Variants in MMS22L observed in about 807,000 individuals in gnomAD.
MMS22L encodes the protein MMS22 like, DNA repair protein, also known as protein MMS22-like.
Under a neutral mutation model 159.1 loss-of-function variants are expected in MMS22L, and 74 were observed. The ratio of observed to expected loss-of-function variants is 0.47; its 90% CI spans 0.39 to 0.56. The LOEUF (loss-of-function observed/expected upper bound fraction) is 0.56, where lower values mean the gene tolerates loss of function less well. Among genes scored for constraint, MMS22L ranks in the 20% least tolerant of loss-of-function variants. MMS22L has a pLI of 0.00. For synonymous variants in MMS22L, 517 were observed against 506.9 expected (o/e 1.02, Z -0.27); for missense variants, 1,351 against 1,422.1 (o/e 0.95, Z 0.80).
intron 12 of MMS22L, among the ~76,000 whole-genome samples, chr6:97,232,353 T>A (rs1810962849): frequency 6.6e-6 from 1 of 152,160 alleles, no homozygotes; most frequent in African/African-American, 2.4e-5. Context: ...AAATGGTGAC[T>A]TCTAATTCTA....
At chr6:97,148,134 G>A (rs1026818934) in intron 24 of MMS22L, among the ~76,000 whole-genome samples, 1 of 152,152 alleles carries the variant, frequency 6.6e-6, no homozygotes, top group Non-Finnish European at 1.5e-5. Flanking sequence ...TGTAGCCATT[G>A]TAATGTCTTA....
At chr6:97,228,323 A>C (rs1810467814) in intron 14 of MMS22L, among the ~76,000 whole-genome samples, 1 of 152,214 alleles carries the variant, frequency 6.6e-6, no homozygotes, top group Non-Finnish European at 1.5e-5. Context: ...TTGTGTTTGC[A>C]TATAAGCTTT....
chr6:97,221,907 T>G (rs1809700201), intron 14 of MMS22L, among the ~76,000 whole-genome samples: 1 of 152,098 alleles, frequency 6.6e-6, no homozygotes. Flanking sequence ...TCAAATTTGT[T>G]TGTTGTAAAC....
chr6:97,148,292 C>T (rs1801009616), intron 24 of MMS22L, among the ~76,000 whole-genome samples: 2 of 152,162 alleles, frequency 1.3e-5, no homozygotes, highest in South Asian at 4.1e-4. Context: ...TATGTATTTA[C>T]TATACTTTAC....
At chr6:97,269,159 G>A (rs189478372) in intron 7 of MMS22L, among the ~76,000 whole-genome samples, 4 of 151,980 alleles carry the variant, frequency 2.6e-5, no homozygotes, top group African/African-American at 9.6e-5. Flanking sequence ...ACAATAAAAC[G>A]TAAAGATGTT....
chr6:97,202,567 G>T (rs1367195354), intron 14 of MMS22L, among the ~76,000 whole-genome samples: 4 of 151,980 alleles, frequency 2.6e-5, no homozygotes, highest in Non-Finnish European at 5.9e-5. Context: ...TTCTAATTTG[G>T]TTTTTTAGAT....
At chr6:97,236,080 C>G (rs1003974836) in intron 11 of MMS22L, among the ~76,000 whole-genome samples, 3 of 152,074 alleles carry the variant, frequency 2.0e-5, no homozygotes, top group Non-Finnish European at 4.4e-5. Context: ...GTAATCCCAG[C>G]ACTTTGGGAG....
At position 97,229,476 on chromosome 6, in the gene MMS22L, T is replaced by C. The variant is rs1254673098; in HGVS notation, c.1530-73A>G. On this transcript the variant is annotated intron_variant, in intron 13 of 24. Coordinates refer to ENST00000683635, the MANE Select transcript of MMS22L (RefSeq NM_001350599.2). The stretch of plus-strand genomic sequence containing the variant: ...AATCTGTATCTCTTAAAAGAAAATT[T>C]GTTTCAATACTCATAACAATCTCAT... 5.5e-6 allele frequency: 6 copies of C among 1,083,028 alleles called. No homozygotes were observed. In the East Asian group the frequency reaches 1.6e-4, roughly 28 times the overall value. The allele number at this position is 1,083,028 out of a possible 1,614,324, so 67.1% of individuals were successfully genotyped here.
intron 9 of MMS22L, chr6:97,261,566 TTA>T (rs1814486240): frequency 6.6e-6 from 1 of 152,190 alleles, no homozygotes; most frequent in African/African-American, 2.4e-5. Context: ...TTTCTTTATG[TTA>T]TGGGTAAGGA....
At chr6:97,166,385 T>C (rs1438014426) in intron 20 of MMS22L, among the ~76,000 whole-genome samples, 1 of 152,148 alleles carries the variant, frequency 6.6e-6, no homozygotes, top group Non-Finnish European at 1.5e-5. Flanking sequence ...TTTAAAATGT[T>C]TGAAGTCTCC....
intron 22 of MMS22L, among the ~76,000 whole-genome samples, chr6:97,156,239 A>G (rs1313079253): frequency 6.6e-6 from 1 of 152,112 alleles, no homozygotes; most frequent in African/African-American, 2.4e-5. Flanking sequence ...CCTTTGCCAG[A>G]TGGATTGCAA....
intron 15 of MMS22L, among the ~76,000 whole-genome samples, 165 bp downstream of exon 15, chr6:97,186,332 C>T (rs1805223004): frequency 6.6e-6 from 1 of 151,958 alleles, no homozygotes; most frequent in South Asian, 2.1e-4. Flanking sequence ...TAATTTTTAG[C>T]AATAAATAAG....
At chr6:97,238,651 TC>T (rs1233133592) in intron 11 of MMS22L, among the ~76,000 whole-genome samples, 1 of 150,286 alleles carries the variant, frequency 6.7e-6, no homozygotes, top group Non-Finnish European at 1.5e-5. Flanking sequence ...TAATGAATAT[TC>T]CAATAAGTCC....
chr6:97,170,761 C>T (rs1333541148), intron 19 of MMS22L, among the ~76,000 whole-genome samples: 1 of 152,132 alleles, frequency 6.6e-6, no homozygotes, highest in African/African-American at 2.4e-5. Context: ...AATCCCAGCA[C>T]TTTGGGAGGC....
intron 19 of MMS22L, among the ~76,000 whole-genome samples, chr6:97,170,468 T>G (rs1803420518): frequency 6.6e-6 from 1 of 151,986 alleles, no homozygotes; most frequent in African/African-American, 2.4e-5. Flanking sequence ...CTAAGTTTTT[T>G]TTTTTCTTTT....
At chr6:97,167,977 TAC>T (rs1803142351) in intron 20 of MMS22L, 92 bp downstream of exon 20, 7 of 1,032,840 alleles carry the variant, frequency 6.8e-6, no homozygotes, top group Middle Eastern at 2.2e-4. Flanking sequence ...GATTATAATG[TAC>T]AGTTTTTAAA....
intron 14 of MMS22L, among the ~76,000 whole-genome samples, chr6:97,205,966 T>C (rs1269935315): frequency 1.3e-5 from 2 of 152,234 alleles, no homozygotes; most frequent in Non-Finnish European, 2.9e-5. Context: ...TGTGTAATTA[T>C]ACTTTAATTG....
intron 2 of MMS22L, among the ~76,000 whole-genome samples, 199 bp from the exon 3 acceptor site, chr6:97,281,561 G>A (rs1816758336): frequency 6.6e-6 from 1 of 152,120 alleles, no homozygotes; most frequent in Non-Finnish European, 1.5e-5. Context: ...TAAAATGTAC[G>A]ACTAAAGTGT....
At chr6:97,192,904 T>G (rs1486675599) in intron 14 of MMS22L, among the ~76,000 whole-genome samples, 3 of 152,192 alleles carry the variant, frequency 2.0e-5, no homozygotes, top group Non-Finnish European at 4.4e-5. Context: ...GTAATTTGCT[T>G]GGGTCATGCT....
Sources: gnomAD v4.1 joint callset for allele counts (sites outside exome capture counted in the v4.1 genomes callset) on GRCh38, gnomAD v4.1.1 for gene constraint, MANE v1.5 for transcripts, NCBI Gene and HGNC (gene_info 2026-07-23, HGNC 2026-07-21) for gene names.